ABCC11: variants seen among roughly 807,000 people sequenced by gnomAD.
ABCC11 encodes ATP binding cassette subfamily C member 11, also known as ATP-binding cassette sub-family C member 11.
In ABCC11, 135 loss-of-function variants were observed where a neutral mutation model predicts 149.3. That is an observed-to-expected ratio of 0.90 (90% CI 0.79 to 1.04). ABCC11 has a LOEUF of 1.04. ABCC11 is among the 50% of genes least tolerant of loss of function. ABCC11 has a pLI of 0.00. For synonymous variants in ABCC11, 665 were observed against 671.4 expected, an observed-to-expected ratio of 0.99 and a Z score of 0.15; for missense variants, 1,680 against 1,722.1, an observed-to-expected ratio of 0.98 and a Z score of 0.43.
chr16:48,241,786 A>C (rs1015417012), intron 1 of ABCC11, among the ~76,000 whole-genome samples: 15 of 152,150 alleles, frequency 9.9e-5, no homozygotes, highest in Admixed American at 9.8e-4. Flanking sequence ...CAAAAACAAG[A>C]AATGGGGAAA....
At chr16:48,236,115 C>T (rs1970675709) in intron 1 of ABCC11, among the ~76,000 whole-genome samples, 1 of 152,202 alleles carries the variant, frequency 6.6e-6, no homozygotes, top group Non-Finnish European at 1.5e-5. Context: ...TGCTATTTAA[C>T]TTTCTCTGCT....
intron 4 of ABCC11, 113 bp from the exon 5 acceptor site, chr16:48,224,542 G>T: frequency 8.3e-7 from 1 of 1,198,058 alleles, no homozygotes; most frequent in Non-Finnish European, 1.2e-6. Context: ...TAACAGAATA[G>T]AACAATGTAG....
At chr16:48,244,463 C>T (rs752340799) in intron 1 of ABCC11, 8 of 1,596,696 alleles carry the variant, frequency 5.0e-6, no homozygotes, top group East Asian at 2.3e-5. Context: ...TCCTGCTGCC[C>T]GGCTCCACCA....
At chr16:48,223,287 A>G (rs1336538259) in intron 5 of ABCC11, among the ~76,000 whole-genome samples, 5 of 152,156 alleles carry the variant, frequency 3.3e-5, no homozygotes, top group Non-Finnish European at 7.4e-5. Context: ...AGCTCTGGTC[A>G]CCAGCCTCCA....
rs2150740080 is a variant in ABCC11, at chr16:48,178,626, C to T, written c.3319G>A (p.Ala1107Thr). The T allele has an allele frequency of 6.2e-7, 1 of 1,614,190 alleles. No individual in the cohort carries two copies. The highest frequency in any genetic ancestry group is 8.5e-7 in the Non-Finnish European group (1 of 1,180,040). ...ATGTACTGCAGTATCCTCTCTACAG[C>T]CGTGAACTGTGCCTCTGTCTCCAAG... is the stretch of plus-strand genomic sequence containing the variant. ...IGLETEAQFT[A>T]VERILQYMKM... The change falls in exon 24 of 30, where the codon GCT (alanine) becomes ACT (threonine). Residue 1107 changes from alanine (A) to threonine (T), a missense_variant. Physicochemically the swap from Ala to Thr is moderately conservative, Grantham distance 58. Coordinates refer to ENST00000356608, the MANE Select transcript of ABCC11 (RefSeq NM_001370497.1).
Position 48,166,527 on chromosome 16 carries a change from T to G in ABCC11, c.*747A>C, listed in dbSNP as rs536751872. Among the ~76,000 whole-genome samples, 36 of 152,322 alleles carry G rather than the reference T, an allele frequency of 2.4e-4. No individual in the cohort carries two copies. Among genetic ancestry groups the G allele is most frequent in the African/African-American group, 8.7e-4 (36 of 41,580 alleles). On this transcript the variant is annotated 3_prime_UTR_variant, in exon 30 of 30. Transcript: ENST00000356608. ...AACAAACTCTTTTTTTTTTCCAAAG[T>G]TAGTTTGAGGGAGTCTCTGTTCCTT...
chr16:48,170,686 T>G (rs1299141508), intron 27 of ABCC11, among the ~76,000 whole-genome samples: 3 of 152,232 alleles, frequency 2.0e-5, no homozygotes, highest in Non-Finnish European at 2.9e-5. Context: ...CCCCTGAGCC[T>G]AGAACAGTGT....
At chr16:48,199,426 G>A (rs1967733664) in intron 15 of ABCC11, among the ~76,000 whole-genome samples, 1 of 151,908 alleles carries the variant, frequency 6.6e-6, no homozygotes, top group Admixed American at 6.6e-5. Flanking sequence ...GCAAAAATAA[G>A]GGGCGAGAGA....
chr16:48,197,126 A>T (rs1241244233), intron 17 of ABCC11, among the ~76,000 whole-genome samples: 1 of 152,184 alleles, frequency 6.6e-6, no homozygotes, highest in Non-Finnish European at 1.5e-5. Flanking sequence ...GGAGTTCGAG[A>T]TCAGCCTAGG....
chr16:48,174,265 C>G (rs1277332883), intron 26 of ABCC11, among the ~76,000 whole-genome samples: 1 of 152,200 alleles, frequency 6.6e-6, no homozygotes, highest in African/African-American at 2.4e-5. Context: ...TGGCTCCAGT[C>G]CCTAGCACAG....
At chr16:48,207,177 C>A (rs1232927048) in intron 12 of ABCC11, among the ~76,000 whole-genome samples, 1 of 151,818 alleles carries the variant, frequency 6.6e-6, no homozygotes. Flanking sequence ...GGACAATGGA[C>A]AGAAGAAGAA....
chr16:48,173,960 C>T (rs1965876890), intron 26 of ABCC11, among the ~76,000 whole-genome samples: 1 of 152,136 alleles, frequency 6.6e-6, no homozygotes, highest in Non-Finnish European at 1.5e-5. Context: ...TGTGTCTGTG[C>T]ACATATTGTT....
rs527607432 is a variant in ABCC11 at position 48,198,102 on chromosome 16, G to T, written c.2218-35C>A. 13 of 1,614,052 alleles carry T rather than the reference G, an allele frequency of 8.1e-6. No homozygotes were observed. The South Asian group carries it at 1.4e-4, about 18-fold the overall frequency. ...GAGCACAGGCCCTGAGTACACGTGC[G>T]TCCACCGTGGGTAGTGAGGGCAGTG... On this transcript the variant is annotated intron_variant, in intron 16 of 29. Transcript: ENST00000356608.
Position 48,230,366 on chromosome 16 carries a change from C to T in ABCC11, c.236+71G>A, listed in dbSNP as rs550041895. On this transcript the variant is annotated intron_variant, in intron 3 of 29. Coordinates refer to ENST00000356608, the MANE Select transcript of ABCC11 (RefSeq NM_001370497.1). ...TAGTTATGCAACCTTCGTGAGAGGT[C>T]TAGTTGGGAGGGTTGGGGATCATTG... 3 of 1,464,388 alleles carry T rather than the reference C, an allele frequency of 2.0e-6. No individual in the cohort carries two copies. The South Asian group carries it at 4.5e-5, about 22-fold the overall frequency. The allele number at this position is 1,464,388 out of a possible 1,614,324, so 90.7% of individuals were successfully genotyped here. A position where few individuals can be genotyped will look rare whatever the true frequency, so the allele number is the denominator to read the frequency against.
chr16:48,245,916 G>A (rs963350100), intron 1 of ABCC11, among the ~76,000 whole-genome samples: 1 of 151,994 alleles, frequency 6.6e-6, no homozygotes, highest in African/African-American at 2.4e-5. Context: ...CTCTACTGGA[G>A]GTGTTGTGTT....
chr16:48,208,693 G>T (rs189135628), intron 11 of ABCC11, among the ~76,000 whole-genome samples, 197 bp from the exon 12 acceptor site: 1 of 152,148 alleles, frequency 6.6e-6, no homozygotes, highest in East Asian at 1.9e-4. Context: ...GGGGTGACCC[G>T]AGAGGAAGGA....
chr16:48,236,833 A>T (rs1246909806), intron 1 of ABCC11, among the ~76,000 whole-genome samples: 3 of 152,218 alleles, frequency 2.0e-5, no homozygotes, highest in Non-Finnish European at 4.4e-5. Context: ...TTTGTGTTTT[A>T]AAAACTAAAT....
At chr16:48,191,298 G>A (rs967963238) in intron 20 of ABCC11, among the ~76,000 whole-genome samples, 2 of 152,218 alleles carry the variant, frequency 1.3e-5, no homozygotes, top group African/African-American at 4.8e-5. Flanking sequence ...CACTTTAGGA[G>A]GCTGAGATGG....
At chr16:48,224,812 C>T (rs60347205) in intron 4 of ABCC11, among the ~76,000 whole-genome samples, 7,165 of 152,284 alleles carry the variant, frequency 0.047, 237 homozygotes, top group Middle Eastern at 0.15. Flanking sequence ...CACTTGAGGT[C>T]AGGGGTTCGA....
Sources: gnomAD v4.1 joint callset for allele counts (sites outside exome capture counted in the v4.1 genomes callset) on GRCh38, gnomAD v4.1.1 for gene constraint, MANE v1.5 for transcripts, NCBI Gene and HGNC (gene_info 2026-07-23, HGNC 2026-07-21) for gene names.